The following TMEM74 variants were observed in gnomAD, a reference collection of about 807,000 sequenced individuals.
TMEM74 encodes transmembrane protein 74.
In TMEM74, 13 loss-of-function variants were observed where a neutral mutation model predicts 18.1. The ratio of observed to expected loss-of-function variants is 0.72; its 90% CI spans 0.47 to 1.14. The LOEUF (loss-of-function observed/expected upper bound fraction) is 1.14. TMEM74 is among the 50% of genes most tolerant of loss of function. The pLI, the probability that TMEM74 is intolerant of heterozygous loss-of-function variation, is 0.00. For missense variants in TMEM74, 372 were observed against 375.9 expected, an observed-to-expected ratio of 0.99 and a Z score of 0.09; for synonymous variants, 159 against 146.6, an observed-to-expected ratio of 1.08 and a Z score of -0.61.
intron 1 of TMEM74, among the ~76,000 whole-genome samples, chr8:108,763,963 C>A (rs1183634965): frequency 6.6e-6 from 1 of 152,106 alleles, no homozygotes; most frequent in Non-Finnish European, 1.5e-5. Flanking sequence ...TGAAAAGCCT[C>A]CCAGTGGGAA....
intron 1 of TMEM74, among the ~76,000 whole-genome samples, chr8:108,770,003 A>G (rs1814153749): frequency 6.6e-6 from 1 of 150,428 alleles, no homozygotes; most frequent in Non-Finnish European, 1.5e-5. Context: ...TCTTTTATGG[A>G]GTTTTATCAC....
Position 108,640,115 on chromosome 8 carries a change from C to CTTT in TMEM74, n.264+15175_264+15177dup, listed in dbSNP as rs35455409. On this transcript the variant is annotated intron_variant and non_coding_transcript_variant, in intron 2 of 3. Coordinates refer to the TMEM74 transcript ENST00000518838. ...TTCTTTTACTCTTTTATAGTAATCA[C>CTTT]TTTTTTTTTTTTTTTTTTTTTTTTT... Among the ~76,000 whole-genome samples, 430 of 78,762 alleles carry CTTT rather than the reference C, an allele frequency of 5.5e-3. 1 individual carries two copies. Among genetic ancestry groups the CTTT allele is most frequent in the Non-Finnish European group, 6.1e-3 (267 of 43,894 alleles). 51.7% of individuals were successfully genotyped at this position (78,762 alleles called of 152,430 possible). A position where few individuals can be genotyped will look rare whatever the true frequency, so the allele number is the denominator to read the frequency against.
rs377196026 is a variant in TMEM74, at chr8:108,644,215, C to T, written n.264+11078G>A. On this transcript the variant is annotated intron_variant and non_coding_transcript_variant, in intron 2 of 3. Transcript: ENST00000518838. ...TAAAACCGCAAACCTACAGCCTTGTCGATCCTTGACAAGGTCGACAAAAAC... is the reference window on the plus strand; with the variant it reads ...TAAAACCGCAAACCTACAGCCTTGTTGATCCTTGACAAGGTCGACAAAAAC... 1.0e-3 allele frequency among the ~76,000 whole-genome samples: 153 copies of T among 152,140 alleles called. 1 individual carries two copies. The highest frequency in any genetic ancestry group is 3.3e-3 in the African/African-American group (138 of 41,528).
At chr8:108,700,035 G>A (rs1813319888) in intron 1 of TMEM74, among the ~76,000 whole-genome samples, 1 of 152,068 alleles carries the variant, frequency 6.6e-6, no homozygotes. Flanking sequence ...GTGACAAAGA[G>A]GACTTTCTTT....
chr8:108,608,073 G>A (rs1812294654), intron 3 of TMEM74, among the ~76,000 whole-genome samples: 1 of 152,038 alleles, frequency 6.6e-6, no homozygotes, highest in Admixed American at 6.5e-5. Context: ...GGAGGCCGAG[G>A]CGGGTGGATC....
chr8:108,744,145 G>A (rs567950001), intron 1 of TMEM74, among the ~76,000 whole-genome samples: 1 of 152,250 alleles, frequency 6.6e-6, no homozygotes, highest in African/African-American at 2.4e-5. Flanking sequence ...ACAAGAGCTT[G>A]CCGGGTGGCA....
chr8:108,675,347 T>C (rs1813046713), intron 1 of TMEM74, among the ~76,000 whole-genome samples: 1 of 152,172 alleles, frequency 6.6e-6, no homozygotes, highest in Non-Finnish European at 1.5e-5. Flanking sequence ...AGAATGTGGA[T>C]GTGATTCTGG....
intron 2 of TMEM74, among the ~76,000 whole-genome samples, chr8:108,615,765 G>A (rs938127493): frequency 6.6e-6 from 1 of 151,358 alleles, no homozygotes; most frequent in African/African-American, 2.4e-5. Context: ...CTTTAGAGTT[G>A]GGGTAAGGTT....
chr8:108,660,618 G>A (rs185790329), intron 1 of TMEM74, among the ~76,000 whole-genome samples: 4 of 152,234 alleles, frequency 2.6e-5, no homozygotes, highest in Admixed American at 1.3e-4. Context: ...AATACCTAAC[G>A]TGATACTGTT....
chr8:108,687,993 A>G (rs1813188483), intron 1 of TMEM74, among the ~76,000 whole-genome samples: 1 of 152,178 alleles, frequency 6.6e-6, no homozygotes, highest in Non-Finnish European at 1.5e-5. Context: ...AAAATGAACA[A>G]AAGTTATAAA....
At chr8:108,742,140 C>A (rs151206568) in intron 1 of TMEM74, among the ~76,000 whole-genome samples, 1 of 151,168 alleles carries the variant, frequency 6.6e-6, no homozygotes, top group Admixed American at 6.6e-5. Context: ...ACACTGGGGT[C>A]GGGTTGAGGG....
intron 1 of TMEM74, among the ~76,000 whole-genome samples, chr8:108,736,617 G>T (rs1563538763): frequency 6.6e-6 from 1 of 151,950 alleles, no homozygotes; most frequent in Non-Finnish European, 1.5e-5. Context: ...TATCTGAGTA[G>T]CTATTAAAAG....
chr8:108,732,910 A>T (rs2130640458), intron 1 of TMEM74, among the ~76,000 whole-genome samples: 1 of 152,210 alleles, frequency 6.6e-6, no homozygotes, highest in South Asian at 2.1e-4. Context: ...AATATGATAT[A>T]TGAATGGCTA....
intron 1 of TMEM74, among the ~76,000 whole-genome samples, chr8:108,757,295 C>T (rs988180147): frequency 2.6e-5 from 4 of 151,910 alleles, no homozygotes; most frequent in Admixed American, 6.6e-5. Flanking sequence ...TAATTAGGAT[C>T]ATCTTCAATG....
chr8:108,689,324 G>A (rs2935802), intron 1 of TMEM74, among the ~76,000 whole-genome samples: 109,712 of 151,892 alleles, frequency 0.72, 40,126 homozygotes, highest in East Asian at 0.99. Flanking sequence ...CTCCAACTTA[G>A]AGGCCAAGGT....
intron 1 of TMEM74, among the ~76,000 whole-genome samples, chr8:108,658,119 A>T (rs1474534004): frequency 6.6e-6 from 1 of 151,572 alleles, no homozygotes; most frequent in Admixed American, 6.6e-5. Context: ...GGCCATACAA[A>T]TTATGAGCTT....
At chr8:108,647,844 A>G (rs1052620150) in intron 2 of TMEM74, among the ~76,000 whole-genome samples, 1 of 152,158 alleles carries the variant, frequency 6.6e-6, no homozygotes, top group African/African-American at 2.4e-5. Flanking sequence ...AGTACTTAGT[A>G]TAATGAGAAC....
At chr8:108,688,715 A>G (rs1174369910) in intron 1 of TMEM74, among the ~76,000 whole-genome samples, 1 of 152,234 alleles carries the variant, frequency 6.6e-6, no homozygotes. Flanking sequence ...CAAAGGAAAC[A>G]TAATTTGCTT....
chr8:108,740,256 T>C (rs1813787193), intron 1 of TMEM74, among the ~76,000 whole-genome samples: 1 of 152,156 alleles, frequency 6.6e-6, no homozygotes, highest in African/African-American at 2.4e-5. Context: ...TCTCACAGCA[T>C]GATCATCTCA....
Sources: gnomAD v4.1 joint callset for allele counts (sites outside exome capture counted in the v4.1 genomes callset) on GRCh38, gnomAD v4.1.1 for gene constraint, MANE v1.5 for transcripts, NCBI Gene and HGNC (gene_info 2026-07-23, HGNC 2026-07-21) for gene names.